The following ZNF136 variants were observed in gnomAD, a reference collection of about 807,000 sequenced individuals.
ZNF136 encodes the protein zinc finger protein 136 (clone pHZ-20).
ZNF136 carries 8 observed loss-of-function variants against 11.4 expected under a neutral mutation model. The ratio of observed to expected loss-of-function variants is 0.70; its 90% confidence interval spans 0.41 to 1.27. The LOEUF is 1.27. Among genes scored for constraint, ZNF136 ranks in the 50% most tolerant of loss-of-function variants. The pLI, the probability that ZNF136 is intolerant of heterozygous loss-of-function variation, is 0.01. For synonymous variants in ZNF136, 190 were observed against 207.1 expected, an observed-to-expected ratio of 0.92 and a Z score of 0.71; for missense variants, 590 against 656.5, an observed-to-expected ratio of 0.90 and a Z score of 1.11.
intron 1 of ZNF136, among the ~76,000 whole-genome samples, chr19:12,179,198 C>T (rs2145636441): frequency 6.6e-6 from 1 of 151,654 alleles, no homozygotes; most frequent in South Asian, 2.1e-4. Context: ...ATTATCAGGA[C>T]CATAGCTCCT....
intron 1 of ZNF136, among the ~76,000 whole-genome samples, chr19:12,177,043 AT>A: frequency 6.6e-6 from 1 of 152,288 alleles, no homozygotes; most frequent in East Asian, 1.9e-4. Context: ...ATCTTTTAGC[AT>A]GTTAAATAGC....
intron 1 of ZNF136, among the ~76,000 whole-genome samples, chr19:12,174,026 C>G (rs1914725588): frequency 6.6e-6 from 1 of 152,156 alleles, no homozygotes; most frequent in African/African-American, 2.4e-5. Context: ...CTGCCTCAGC[C>G]TCCCCAGTAG....
intron 1 of ZNF136, among the ~76,000 whole-genome samples, chr19:12,177,965 T>C (rs1040890928): frequency 6.6e-6 from 1 of 152,094 alleles, no homozygotes; most frequent in Non-Finnish European, 1.5e-5. Flanking sequence ...AAAAATTAGC[T>C]GAGCATTGTG....
At chr19:12,183,147 G>GT (rs200576697) in intron 1 of ZNF136, among the ~76,000 whole-genome samples, 2,347 of 149,390 alleles carry the variant, frequency 0.016, 49 homozygotes, top group African/African-American at 0.053. Flanking sequence ...TTGTTGTTTT[G>GT]TTTTTTTTTG....
intron 1 of ZNF136, among the ~76,000 whole-genome samples, chr19:12,178,028 G>T (rs1463358389): frequency 1.4e-4 from 21 of 152,164 alleles, no homozygotes; most frequent in Admixed American, 1.4e-3. Flanking sequence ...GATGGCTTGA[G>T]CCTGGGAGGC....
chr19:12,181,388 T>A (rs1363767032), intron 1 of ZNF136, among the ~76,000 whole-genome samples: 1 of 152,202 alleles, frequency 6.6e-6, no homozygotes, highest in African/African-American at 2.4e-5. Flanking sequence ...GTATAATTTC[T>A]GCAGTCCCCA....
intron 1 of ZNF136, among the ~76,000 whole-genome samples, chr19:12,175,142 G>C (rs1353832198): frequency 2.6e-5 from 4 of 151,976 alleles, no homozygotes; most frequent in Admixed American, 2.6e-4. Context: ...AGAAAAAAGA[G>C]CAAGTGAAAG....
chr19:12,168,017 A>G (rs1041502967), intron 1 of ZNF136, among the ~76,000 whole-genome samples: 2 of 142,112 alleles, frequency 1.4e-5, no homozygotes, highest in African/African-American at 5.3e-5. Flanking sequence ...ATAAAGCCAG[A>G]TACTGACTAC....
At chr19:12,171,261 G>A (rs754452298) in intron 1 of ZNF136, among the ~76,000 whole-genome samples, 3 of 152,152 alleles carry the variant, frequency 2.0e-5, no homozygotes, top group Non-Finnish European at 4.4e-5. Flanking sequence ...TTACAGGTGT[G>A]TGCCACCGCA....
chr19:12,163,143 G>A lies in ZNF136; in HGVS notation c.-61G>A. 3 of 1,395,414 alleles carry A rather than the reference G, an allele frequency of 2.1e-6. No homozygotes were observed. Among genetic ancestry groups the A allele is most frequent in the Middle Eastern group, 2.0e-4 (1 of 5,112 alleles). 86.4% of individuals were successfully genotyped at this position (1,395,414 alleles called of 1,614,324 possible). On this transcript the variant is annotated 5_prime_UTR_variant, in exon 1 of 4. Transcript: ENST00000343979. ...GGCTCGCCTGGAGTCTCTGTGGCGC[G>A]GTTTCCTGTACCTGCCTTGGGATCC...
At chr19:12,176,073 T>C (rs1194557241) in intron 1 of ZNF136, among the ~76,000 whole-genome samples, 1 of 152,226 alleles carries the variant, frequency 6.6e-6, no homozygotes, top group Non-Finnish European at 1.5e-5. Context: ...ATTTGTCTAC[T>C]GTAAGGCATC....
At position 12,163,223 on chromosome 19, in the gene ZNF136, C is replaced by T. The variant is rs370700369; in HGVS notation, c.3+17C>T. Reference sequence around the variant, plus strand: ...CAGGAAATGGTGAGTGTGTCGGGCCCTGCGTCCCGAGACAGGGAGGAGGGG... The same window carrying T: ...CAGGAAATGGTGAGTGTGTCGGGCCTTGCGTCCCGAGACAGGGAGGAGGGG... On this transcript the variant is annotated intron_variant, in intron 1 of 3. Coordinates refer to ENST00000343979, the MANE Select transcript of ZNF136 (RefSeq NM_003437.5). 129 of 1,383,688 alleles carry T rather than the reference C, an allele frequency of 9.3e-5. No individual in the cohort carries two copies. Among genetic ancestry groups the T allele is most frequent in the Non-Finnish European group, 1.2e-4 (125 of 1,059,440 alleles). 85.7% of individuals were successfully genotyped at this position (1,383,688 alleles called of 1,614,324 possible).
intron 1 of ZNF136, among the ~76,000 whole-genome samples, chr19:12,173,646 C>T (rs953567299): frequency 1.3e-5 from 2 of 152,046 alleles, no homozygotes; most frequent in Non-Finnish European, 1.5e-5. Context: ...AACTTGTAAA[C>T]GTGTTTTCCC....
At position 12,187,309 on chromosome 19, in the gene ZNF136, A is replaced by C; in HGVS notation, c.931A>C (p.Lys311Gln). The change falls in exon 4 of 4, where the codon AAG becomes CAG. Residue 311 changes from lysine to glutamine, a missense_variant. Coordinates refer to ENST00000343979, the MANE Select transcript of ZNF136 (RefSeq NM_003437.5). ...TACTGGAGAGAAACCTTATGAATGC[A>C]AGCAGTGTGGGAAGGCCTTCAGTTA... ...THTGEKPYEC[K>Q]QCGKAFSYLP... 1.2e-6 allele frequency: 2 copies of C among 1,614,132 alleles called. No individual in the cohort carries two copies. Among genetic ancestry groups the C allele is most frequent in the Non-Finnish European group, 1.7e-6 (2 of 1,180,008 alleles).
chr19:12,170,189 A>G (rs1319548739), intron 1 of ZNF136, among the ~76,000 whole-genome samples: 1 of 151,582 alleles, frequency 6.6e-6, no homozygotes, highest in African/African-American at 2.4e-5. Context: ...TGGCCTCCCA[A>G]AGTGCTGGGA....
At position 12,189,768 on chromosome 19, in the gene ZNF136, A is replaced by G. The variant is rs1915209154; in HGVS notation, c.*1767A>G. 6.6e-6 allele frequency: 1 copy of G among 152,094 alleles called. No individual in the cohort carries two copies. The highest frequency in any genetic ancestry group is 2.4e-5 in the African/African-American group (1 of 41,412). 9.4% of individuals were successfully genotyped at this position (152,094 alleles called of 1,614,324 possible). A position where few individuals can be genotyped will look rare whatever the true frequency, so the allele number is the denominator to read the frequency against. On this transcript the variant is annotated 3_prime_UTR_variant, in exon 4 of 4. Coordinates refer to ENST00000343979, the MANE Select transcript of ZNF136 (RefSeq NM_003437.5). ...TGTAGTCTCGTGAATTATTATTTTA[A>G]CCTGTTGTTCTTTACTCCTTGTTAT...
At chr19:12,171,411 A>G (rs1477396277) in intron 1 of ZNF136, among the ~76,000 whole-genome samples, 2 of 152,188 alleles carry the variant, frequency 1.3e-5, no homozygotes, top group Non-Finnish European at 2.9e-5. Context: ...TACTCCTTAT[A>G]AGTAGTTCTC....
At position 12,186,844 on chromosome 19, in the gene ZNF136, C is replaced by G. The variant is rs574301770; in HGVS notation, c.466C>G (p.Arg156Gly). Residue 156 changes from arginine (R) to glycine (G), a missense_variant, in exon 4 of 4, where the codon CGA becomes GGA. Transcript: ENST00000343979. Reference protein sequence around the residue: ...WKPFSSHHSFRTHEIIHTGEK... With the variant: ...WKPFSSHHSFGTHEIIHTGEK... ...ACCCTTCAGTTCTCACCACTCCTTT[C>G]GAACACATGAGATAATTCACACTGG... 40 of 1,614,092 alleles carry G rather than the reference C, an allele frequency of 2.5e-5. No homozygotes were observed. The Admixed American group carries it at 4.7e-4, about 19-fold the overall frequency.
In ZNF136 at chr19:12,187,786, C is replaced by G; in HGVS notation, c.1408C>G (p.His470Asp). 1 of 1,610,812 alleles carries G rather than the reference C, an allele frequency of 6.2e-7. No homozygotes were observed. The highest frequency in any genetic ancestry group is 8.5e-7 in the Non-Finnish European group (1 of 1,178,934). ...CTCCTTTCGAACACATGAAATGATT[C>G]ACACTGGTGAGAAACCCTTTGAATG... ...LNSFRTHEMI[H>D]TGEKPFECKR... is the part of the protein sequence containing the mutation. The change falls in exon 4 of 4, where the codon CAC (histidine) becomes GAC (aspartate). Residue 470 changes from histidine (H) to aspartate (D), a missense_variant. His to Asp is a moderately conservative substitution (Grantham distance 81). Coordinates refer to ENST00000343979, the MANE Select transcript of ZNF136 (RefSeq NM_003437.5).
Sources: gnomAD v4.1 joint callset for allele counts (sites outside exome capture counted in the v4.1 genomes callset) on GRCh38, gnomAD v4.1.1 for gene constraint, MANE v1.5 for transcripts, NCBI Gene and HGNC (gene_info 2026-07-23, HGNC 2026-07-21) for gene names.